Variants in HOXC4 observed in about 807,000 individuals in gnomAD.
The protein encoded by HOXC4 is homeobox C4, also known as homeobox protein Hox-C4.
In HOXC4, 15 loss-of-function variants were observed where a neutral mutation model predicts 25.5. That is an observed-to-expected ratio of 0.59 (90% CI 0.39 to 0.91). The LOEUF is 0.91. HOXC4 is among the 40% of genes least tolerant of loss of function. The pLI is 0.00. For synonymous variants in HOXC4, 165 were observed against 148.0 expected (o/e 1.11, Z -0.83); for missense variants, 342 against 352.4 (o/e 0.97, Z 0.24).
intron 1 of HOXC4, chr12:54,029,880 G>A: frequency 6.3e-7 from 1 of 1,599,928 alleles, no homozygotes. Context: ...CTCTCGGGGG[G>A]CGGCGGAGGG....
upstream of HOXC4, among the ~76,000 whole-genome samples, chr12:54,049,747 TACACACACACACACACACACAC>T (rs10590659): frequency 1.7e-4 from 21 of 125,768 alleles, no homozygotes; most frequent in Non-Finnish European, 1.8e-4. Context: ...GACAAACACA[TACACACACACACACACACACAC>T]ACACACACAC....
chr12:54,049,119 G>T (rs566233283), upstream of HOXC4, among the ~76,000 whole-genome samples: 1 of 152,322 alleles, frequency 6.6e-6, no homozygotes, highest in African/African-American at 2.4e-5. Flanking sequence ...GAAGGTGGTG[G>T]GGAACCCAAC....
At chr12:54,029,882 G>A in intron 1 of HOXC4, 1 of 1,611,824 alleles carries the variant, frequency 6.2e-7, no homozygotes, top group South Asian at 1.1e-5. Context: ...CTCGGGGGGC[G>A]GCGGAGGGGC....
At chr12:54,034,713 C>T in intron 1 of HOXC4, 2 of 548,946 alleles carry the variant, frequency 3.6e-6, no homozygotes, top group Non-Finnish European at 3.3e-6. Flanking sequence ...CTCAGCTCGG[C>T]TCAGCTCGGT....
chr12:54,023,219 G>T (rs1940529456), intron 1 of HOXC4, among the ~76,000 whole-genome samples: 1 of 152,206 alleles, frequency 6.6e-6, no homozygotes, highest in South Asian at 2.1e-4. Context: ...ATTTTTTCCA[G>T]ATGGAGCTGG....
intron 1 of HOXC4, chr12:54,028,706 T>C: frequency 6.2e-7 from 1 of 1,614,152 alleles, no homozygotes; most frequent in Non-Finnish European, 8.5e-7. Flanking sequence ...GAGAATGTCG[T>C]GTTCAGTTCC....
chr12:54,028,239 T>C (rs1236727215), intron 1 of HOXC4: 5 of 148,938 alleles, frequency 3.4e-5, no homozygotes, highest in Non-Finnish European at 5.4e-5. Context: ...CCAAACCAGT[T>C]CCCTTACATA....
At position 54,054,887 on chromosome 12, in the gene HOXC4, G is replaced by A; in HGVS notation, c.477G>A (p.Ser159=). Residue 159 remains serine, a synonymous_variant, in exon 2 of 2, where the codon TCG becomes TCA. Transcript: ENST00000430889. ...ATAACGGAGGGGAACCCAAGCGCTCGAGGACAGCCTATACCCGGCAGCAAG... is the reference window on the plus strand; with the variant it reads ...ATAACGGAGGGGAACCCAAGCGCTCAAGGACAGCCTATACCCGGCAGCAAG... ...PNYNGGEPKR[S]RTAYTRQQVL... The A allele has an allele frequency of 1.2e-6, 2 of 1,612,508 alleles. No individual in the cohort carries two copies. The highest frequency in any genetic ancestry group is 1.1e-5 in the South Asian group (1 of 91,048).
At chr12:54,029,415 C>CA (rs1940890045) in intron 1 of HOXC4, among the ~76,000 whole-genome samples, 1 of 137,466 alleles carries the variant, frequency 7.3e-6, no homozygotes, top group Admixed American at 7.1e-5. Context: ...CCCCCCGCCC[C>CA]CCCCCCCACC....
intron 1 of HOXC4, chr12:54,028,873 G>A (rs770158000): frequency 1.1e-5 from 18 of 1,613,698 alleles, no homozygotes; most frequent in Non-Finnish European, 1.5e-5. Flanking sequence ...GGACCAGAAA[G>A]CCAGTATCCA....
chr12:54,026,393 A>G (rs1940698125), intron 1 of HOXC4, among the ~76,000 whole-genome samples: 1 of 152,232 alleles, frequency 6.6e-6, no homozygotes. Context: ...TAGGGCAAAA[A>G]GCAACTCACA....
intron 1 of HOXC4, chr12:54,033,479 A>AGAG: frequency 6.3e-7 from 1 of 1,595,908 alleles, no homozygotes; most frequent in Non-Finnish European, 8.5e-7. Flanking sequence ...GGGAGATCAA[A>AGAG]GAGGAGCAGG....
At chr12:54,051,480 C>G (rs545042908), upstream of HOXC4, among the ~76,000 whole-genome samples, 165 of 152,300 alleles carry the variant, frequency 1.1e-3, no homozygotes, top group Non-Finnish European at 1.7e-3. Flanking sequence ...CTTCCTCCGC[C>G]CCCTCACTCA....
At chr12:54,029,803 A>T (rs1358389786) in intron 1 of HOXC4, 1 of 1,614,046 alleles carries the variant, frequency 6.2e-7, no homozygotes, top group Non-Finnish European at 8.5e-7. Context: ...TGACCGAGCG[A>T]CAGATCAAAA....
chr12:54,043,775 T>C (rs1220496368), intron 1 of HOXC4, among the ~76,000 whole-genome samples: 1 of 152,152 alleles, frequency 6.6e-6, no homozygotes, highest in Non-Finnish European at 1.5e-5. Context: ...GAGGCCAGAA[T>C]CTTATCTGAT....
intron 1 of HOXC4, chr12:54,022,556 C>T (rs750724753): frequency 8.5e-5 from 13 of 152,122 alleles, no homozygotes; most frequent in Admixed American, 2.0e-4. Flanking sequence ...ATGGTTCTTT[C>T]AGATCTGCAA....
At chr12:54,018,095 C>T (rs1033993357) in intron 1 of HOXC4, among the ~76,000 whole-genome samples, 6 of 152,014 alleles carry the variant, frequency 3.9e-5, no homozygotes, top group Admixed American at 3.3e-4. Context: ...CCCCTGCTCC[C>T]GCCCCCACTC....
intron 1 of HOXC4, among the ~76,000 whole-genome samples, chr12:54,031,436 G>T (rs896282990): frequency 6.6e-6 from 1 of 152,226 alleles, no homozygotes; most frequent in Non-Finnish European, 1.5e-5. Flanking sequence ...TGGTACTCCT[G>T]ACGTGGCCGG....
intron 1 of HOXC4, among the ~76,000 whole-genome samples, chr12:54,041,924 A>G (rs1941279644): frequency 6.6e-6 from 1 of 151,612 alleles, no homozygotes; most frequent in East Asian, 1.9e-4. Context: ...CATCCTCCCA[A>G]AGTGCTGAGA....
Sources: gnomAD v4.1 joint callset for allele counts (sites outside exome capture counted in the v4.1 genomes callset) on GRCh38, gnomAD v4.1.1 for gene constraint, MANE v1.5 for transcripts, NCBI Gene and HGNC (gene_info 2026-07-23, HGNC 2026-07-21) for gene names.